The following COPS3 variants were observed in gnomAD, a reference collection of about 807,000 sequenced individuals.
COPS3 encodes COP9 signalosome complex subunit 3.
Under a neutral mutation model 58.2 loss-of-function variants are expected in COPS3, and 10 were observed. The ratio of observed to expected loss-of-function variants is 0.17; its 90% CI spans 0.11 to 0.29. The LOEUF (loss-of-function observed/expected upper bound fraction) is 0.29, where lower values mean the gene tolerates loss of function less well. COPS3 is among the 10% of genes least tolerant of loss of function. The pLI is 1.00. For missense variants in COPS3, 333 were observed against 510.1 expected (o/e 0.65, Z 3.34); for synonymous variants, 187 against 181.7 (o/e 1.03, Z -0.24).
intron 9 of COPS3, 147 bp from the exon 10 acceptor site, chr17:17,249,186 A>G: frequency 1.8e-6 from 1 of 569,406 alleles, no homozygotes; most frequent in South Asian, 2.4e-5. Flanking sequence ...TGTTTATCCA[A>G]GTATTTATTA....
chr17:17,249,012 T>C lies in COPS3; in HGVS notation c.1051A>G (p.Ile351Val). The stretch of plus-strand genomic sequence containing the variant: ...CTGACCATACCGTCCTTCTGGTTAA[T>C]ACTTGCAAAAATCTCACCATCTTCT... The part of the protein sequence containing the change: ...MIEDGEIFAS[I>V]NQKDGMVSFH... Residue 351 changes from isoleucine (I) to valine (V), a missense_variant, in exon 10 of 12, where the codon ATT (isoleucine) becomes GTT (valine). Ile to Val is a conservative substitution (Grantham distance 29). Transcript: ENST00000268717. 1.2e-6 allele frequency: 2 copies of C among 1,602,050 alleles called. No homozygotes were observed. Among genetic ancestry groups the C allele is most frequent in the Non-Finnish European group, 1.7e-6 (2 of 1,176,246 alleles).
intron 9 of COPS3, among the ~76,000 whole-genome samples, chr17:17,249,403 A>T (rs1222287488): frequency 6.6e-6 from 1 of 152,104 alleles, no homozygotes; most frequent in African/African-American, 2.4e-5. Context: ...GGCTCACTGC[A>T]ACCTCTACCT....
At chr17:17,280,924 G>T in intron 1 of COPS3, 1 of 877,600 alleles carries the variant, frequency 1.1e-6, no homozygotes, top group East Asian at 2.9e-5. Context: ...AGGGGAGGCC[G>T]GCCGGCGAGG....
At chr17:17,271,386 G>A (rs1354201328) in intron 2 of COPS3, among the ~76,000 whole-genome samples, 1 of 152,054 alleles carries the variant, frequency 6.6e-6, no homozygotes, top group Non-Finnish European at 1.5e-5. Context: ...CTATGATCAT[G>A]CCACTGCACT....
Position 17,247,560 on chromosome 17 carries a change from T to A in COPS3, c.1138A>T (p.Met380Leu). ...TCATCCAGCTCAATGCACTTCAGCATCTGCATGACAGGCACATTAGAAGGT... is the reference window on the plus strand; with the variant it reads ...TCATCCAGCTCAATGCACTTCAGCAACTGCATGACAGGCACATTAGAAGGT... Reference protein sequence around the residue: ...PAMLHNIDQEMLKCIELDERL... With the variant: ...PAMLHNIDQELLKCIELDERL... The change falls in exon 11 of 12, where the codon ATG becomes TTG. Residue 380 changes from methionine to leucine, a missense_variant and splice_region_variant. By Grantham distance (15) the Met-to-Leu change is conservative (BLOSUM62 2). Coordinates refer to ENST00000268717, the MANE Select transcript of COPS3 (RefSeq NM_003653.4). The A allele has an allele frequency of 6.2e-7, 1 of 1,614,172 alleles. No individual in the cohort carries two copies. The highest frequency in any genetic ancestry group is 8.5e-7 in the Non-Finnish European group (1 of 1,180,018).
chr17:17,280,537 G>C, intron 1 of COPS3: 1 of 1,250,918 alleles, frequency 8.0e-7, no homozygotes, highest in Non-Finnish European at 1.0e-6. Context: ...TCCAGCCTCG[G>C]CTAAAAAAAA....
At chr17:17,267,411 C>T (rs752820616) in intron 5 of COPS3, among the ~76,000 whole-genome samples, 5 of 150,550 alleles carry the variant, frequency 3.3e-5, no homozygotes, top group Admixed American at 6.6e-5. Context: ...GAGGCTGAGG[C>T]GGGTGGATCA....
chr17:17,274,056 C>T (rs1303032487), intron 2 of COPS3, among the ~76,000 whole-genome samples: 1 of 152,200 alleles, frequency 6.6e-6, no homozygotes, highest in Non-Finnish European at 1.5e-5. Flanking sequence ...CACACATAAA[C>T]TCACATAAAC....
chr17:17,247,258 CT>C, intron 11 of COPS3, 107 bp from the exon 12 acceptor site: 1 of 1,153,972 alleles, frequency 8.7e-7, no homozygotes, highest in Non-Finnish European at 1.3e-6. Flanking sequence ...ACAAAGCCCC[CT>C]GTGAACAAGG....
intron 9 of COPS3, among the ~76,000 whole-genome samples, chr17:17,254,410 A>G (rs960183719): frequency 6.6e-6 from 1 of 152,002 alleles, no homozygotes; most frequent in African/African-American, 2.4e-5. Context: ...AATTGTCAAT[A>G]GTGGTAGACT....
At chr17:17,259,093 T>G (rs78504885) in intron 8 of COPS3, among the ~76,000 whole-genome samples, 1 of 152,124 alleles carries the variant, frequency 6.6e-6, no homozygotes, top group African/African-American at 2.4e-5. Flanking sequence ...CTCCCCTAAG[T>G]CCTCACGTAG....
At chr17:17,262,343 C>T (rs568697503) in intron 6 of COPS3, among the ~76,000 whole-genome samples, 2 of 152,258 alleles carry the variant, frequency 1.3e-5, no homozygotes, top group Non-Finnish European at 2.9e-5. Flanking sequence ...TCACTGTACC[C>T]TCAAACTCCT....
chr17:17,250,615 T>C (rs746799278), intron 9 of COPS3, among the ~76,000 whole-genome samples: 14 of 152,194 alleles, frequency 9.2e-5, no homozygotes, highest in Non-Finnish European at 1.8e-4. Context: ...TTGCATCAGT[T>C]ACTGGGGAAT....
At chr17:17,250,851 CAT>C (rs1439399087) in intron 9 of COPS3, among the ~76,000 whole-genome samples, 3 of 152,152 alleles carry the variant, frequency 2.0e-5, no homozygotes, top group Non-Finnish European at 4.4e-5. Flanking sequence ...ATACAAAATG[CAT>C]AGTTCTCTAT....
intron 2 of COPS3, among the ~76,000 whole-genome samples, chr17:17,272,949 C>T (rs2048383368): frequency 6.6e-6 from 1 of 152,154 alleles, no homozygotes; most frequent in African/African-American, 2.4e-5. Flanking sequence ...GCTTAGAATT[C>T]CCTTCAAACA....
At chr17:17,248,849 T>A in intron 10 of COPS3, 77 bp downstream of exon 10, 1 of 908,310 alleles carries the variant, frequency 1.1e-6, no homozygotes, top group Non-Finnish European at 1.7e-6. Context: ...ACTAAAATTA[T>A]CCTGGAACAT....
At chr17:17,280,742 C>A (rs773239090) in intron 1 of COPS3, 124 of 1,241,014 alleles carry the variant, frequency 1.0e-4, no homozygotes, top group Admixed American at 9.1e-4. Context: ...AGCTGCGGAT[C>A]GGCGGCAAAG....
intron 1 of COPS3, chr17:17,280,549 C>G (rs370177947): frequency 2.1e-6 from 2 of 936,426 alleles, no homozygotes; most frequent in African/African-American, 2.1e-5. Context: ...TAAAAAAAAA[C>G]AAAGAAGAAG....
At chr17:17,264,706 G>A in intron 6 of COPS3, 96 bp downstream of exon 6, 2 of 947,906 alleles carry the variant, frequency 2.1e-6, no homozygotes, top group Non-Finnish European at 3.2e-6. Context: ...TGAAACGGAG[G>A]CCCTGGGATC....
Sources: allele counts gnomAD v4.1 joint callset (sites outside exome capture counted in the v4.1 genomes callset), GRCh38; gene constraint gnomAD v4.1.1; transcripts MANE v1.5; gene names NCBI Gene and HGNC (gene_info 2026-07-23, HGNC 2026-07-21).